Variants in ZNF655 observed in about 807,000 individuals in gnomAD.
ZNF655 encodes the protein zinc finger protein 655.
A neutral mutation model predicts 6.6 loss-of-function variants in ZNF655; 3 were observed. The ratio of observed to expected loss-of-function variants is 0.46; its 90% confidence interval spans 0.21 to 1.18. The LOEUF (loss-of-function observed/expected upper bound fraction) is 1.18, where lower values mean the gene tolerates loss of function less well. ZNF655 is among the 50% of genes most tolerant of loss of function. The pLI, the probability that ZNF655 is intolerant of heterozygous loss-of-function variation, is 0.24. For missense variants in ZNF655, 526 were observed against 572.3 expected (o/e 0.92, Z 0.83); for synonymous variants, 178 against 195.0 (o/e 0.91, Z 0.73).
In ZNF655 at chr7:99,573,680, T is replaced by TA; in HGVS notation, c.*99dup. 1 of 1,405,504 alleles carries TA rather than the reference T, an allele frequency of 7.1e-7. No homozygotes were observed. The highest frequency in any genetic ancestry group is 9.6e-7 in the Non-Finnish European group (1 of 1,042,658). The allele number at this position is 1,405,504 out of a possible 1,614,324, so 87.1% of individuals were successfully genotyped here. ...GAAATCATGTATGTACTGCATGTGG[T>TA]AAAGCCTTCAGTCATAGCTCAGCCA... is the stretch of plus-strand genomic sequence containing the variant. On this transcript the variant is annotated 3_prime_UTR_variant, in exon 3 of 3. Coordinates refer to ENST00000252713, the MANE Select transcript of ZNF655 (RefSeq NM_138494.3).
At chr7:99,560,827 A>AG in intron 2 of ZNF655, 132 bp downstream of exon 2, 1 of 1,171,094 alleles carries the variant, frequency 8.5e-7, no homozygotes, top group Non-Finnish European at 1.2e-6. Context: ...GGAATGAAAG[A>AG]GGGGGCAGAT....
At chr7:99,569,626 A>G (rs573195321) in intron 2 of ZNF655, among the ~76,000 whole-genome samples, 4 of 152,320 alleles carry the variant, frequency 2.6e-5, no homozygotes, top group East Asian at 3.9e-4. Flanking sequence ...AATAGTTTCT[A>G]CGTTTTAAAT....
chr7:99,572,326 T>G lies in ZNF655; in HGVS notation c.218T>G (p.Val73Gly). ...GAAGTGCATTCATACAAAGTGAGAG[T>G]AGGAAGACTCAAACACGATATTACC... Reference protein sequence around the residue: ...SEEVHSYKVRVGRLKHDITQV... With the variant: ...SEEVHSYKVRGGRLKHDITQV... Residue 73 changes from valine to glycine, a missense_variant, in exon 3 of 3, where the codon GTA becomes GGA. Transcript: ENST00000252713. 1 of 1,613,172 alleles carries G rather than the reference T, an allele frequency of 6.2e-7. No homozygotes were observed. Among genetic ancestry groups the G allele is most frequent in the African/African-American group, 1.3e-5 (1 of 74,922 alleles).
rs1804265359 is a variant in ZNF655 at position 99,574,066 on chromosome 7, AT to A, written c.*485del. 1 of 156,032 alleles carries A rather than the reference AT, an allele frequency of 6.4e-6. No individual in the cohort carries two copies. Among genetic ancestry groups the A allele is most frequent in the Non-Finnish European group, 1.4e-5 (1 of 70,328 alleles). 9.7% of individuals were successfully genotyped at this position (156,032 alleles called of 1,614,324 possible). On this transcript the variant is annotated 3_prime_UTR_variant, in exon 3 of 3. Transcript: ENST00000252713. ...CCCAACGCTCATTCAACATCAAAGA[AT>A]TTATACCTAAGAGAACTTATTTGGG...
chr7:99,567,231 A>G (rs942084169), intron 2 of ZNF655, among the ~76,000 whole-genome samples: 4 of 152,220 alleles, frequency 2.6e-5, no homozygotes, highest in Non-Finnish European at 4.4e-5. Flanking sequence ...AAGCAAGTGC[A>G]TATTTTGAAA....
intron 2 of ZNF655, 91 bp from the exon 3 acceptor site, chr7:99,572,154 A>G: frequency 7.4e-7 from 1 of 1,352,124 alleles, no homozygotes; most frequent in Non-Finnish European, 9.9e-7. Flanking sequence ...CCTTGTAGAT[A>G]CTACATTGTT....
Position 99,576,221 on chromosome 7 carries a change from T to C in ZNF655, c.*2637T>C, listed in dbSNP as rs754148945. Reference sequence around the variant, plus strand: ...AGGCAAGGTAGGAATCTAAATGAAATTGATATATAAATGAATTGATCTAAA... The same window carrying C: ...AGGCAAGGTAGGAATCTAAATGAAACTGATATATAAATGAATTGATCTAAA... On this transcript the variant is annotated 3_prime_UTR_variant, in exon 3 of 3. Transcript: ENST00000252713. 1 of 152,616 alleles carries C rather than the reference T, an allele frequency of 6.6e-6. No individual in the cohort carries two copies. The highest frequency in any genetic ancestry group is 1.5e-5 in the Non-Finnish European group (1 of 68,034). The allele number at this position is 152,616 out of a possible 1,614,324, so 9.5% of individuals were successfully genotyped here. A position where few individuals can be genotyped will look rare whatever the true frequency, so the allele number is the denominator to read the frequency against.
Position 99,573,421 on chromosome 7 carries a change from G to A in ZNF655, c.1313G>A (p.Cys438Tyr), listed in dbSNP as rs1804230125. The A allele has an allele frequency of 6.2e-7, 1 of 1,614,124 alleles. No individual in the cohort carries two copies. The highest frequency in any genetic ancestry group is 8.5e-7 in the Non-Finnish European group (1 of 1,180,004). ...KMHRKEKSYE[C>Y]NEYEGSFSHS... is the part of the protein sequence containing the mutation. ...CATAGGAAAGAGAAATCGTATGAAT[G>A]TAATGAGTATGAGGGCAGTTTCAGT... Residue 438 changes from cysteine (C) to tyrosine (Y), a missense_variant, in exon 3 of 3, where the codon TGT becomes TAT. Cys to Tyr is a radical substitution (Grantham distance 194, BLOSUM62 -2). Transcript: ENST00000252713.
chr7:99,561,458 C>G (rs894322811), intron 2 of ZNF655, among the ~76,000 whole-genome samples: 4 of 152,178 alleles, frequency 2.6e-5, no homozygotes, highest in African/African-American at 9.7e-5. Flanking sequence ...GCCTTACACA[C>G]TGGTTGAGAC....
In ZNF655 at chr7:99,573,067, A is replaced by G. The variant is rs776641891; in HGVS notation, c.959A>G (p.Gln320Arg). ...TTCAGTCGTAGTGTCCACCTTACTCAACATCAGAAAATTCACAAAGAGATG... is the reference window on the plus strand; with the variant it reads ...TTCAGTCGTAGTGTCCACCTTACTCGACATCAGAAAATTCACAAAGAGATG... ...RVFSRSVHLT[Q>R]HQKIHKEMPC... Residue 320 changes from glutamine to arginine, a missense_variant, in exon 3 of 3, where the codon CAA becomes CGA. Gln to Arg is a conservative substitution (Grantham distance 43). Coordinates refer to ENST00000252713, the MANE Select transcript of ZNF655 (RefSeq NM_138494.3). 3.1e-6 allele frequency: 5 copies of G among 1,614,138 alleles called. No individual in the cohort carries two copies. In the South Asian group the frequency reaches 5.5e-5, roughly 18 times the overall value.
At chr7:99,561,995 T>G in intron 2 of ZNF655, 1 of 1,549,022 alleles carries the variant, frequency 6.5e-7, no homozygotes, top group Non-Finnish European at 8.7e-7. Flanking sequence ...AACCCTCTGC[T>G]TTTCCTCAGG....
At chr7:99,570,245 A>G (rs1803939417) in intron 2 of ZNF655, 1 of 152,224 alleles carries the variant, frequency 6.6e-6, no homozygotes, top group Admixed American at 6.5e-5. Flanking sequence ...GAATTCTGAG[A>G]ACAATATTGA....
chr7:99,567,014 G>A (rs574146602), intron 2 of ZNF655, among the ~76,000 whole-genome samples: 1 of 151,980 alleles, frequency 6.6e-6, no homozygotes, highest in Non-Finnish European at 1.5e-5. Context: ...CCGCCTCTCA[G>A]GCCCAAGCCA....
chr7:99,572,319 G>T lies in ZNF655; in HGVS notation c.211G>T (p.Val71Leu), dbSNP rs1350503383. The change falls in exon 3 of 3, where the codon GTG becomes TTG. Residue 71 changes from valine (V) to leucine (L), a missense_variant. Transcript: ENST00000252713. ...TTCGGAAGAAGTGCATTCATACAAA[G>T]TGAGAGTAGGAAGACTCAAACACGA... ...KISEEVHSYK[V>L]RVGRLKHDIT... The T allele has an allele frequency of 9.3e-6, 15 of 1,613,432 alleles. No individual in the cohort carries two copies. The highest frequency in any genetic ancestry group is 1.2e-5 in the Non-Finnish European group (14 of 1,179,904).
chr7:99,571,189 C>G, intron 2 of ZNF655: 1 of 1,247,606 alleles, frequency 8.0e-7, no homozygotes, highest in South Asian at 1.3e-5. Context: ...CTTATGTGTA[C>G]TGAAACAAAT....
At chr7:99,571,790 C>T in intron 2 of ZNF655, 2 of 1,590,898 alleles carry the variant, frequency 1.3e-6, no homozygotes, top group East Asian at 2.2e-5. Context: ...GATGACTGCT[C>T]AGGTGAGTAA....
At chr7:99,562,006 G>A in intron 2 of ZNF655, 1 of 1,517,698 alleles carries the variant, frequency 6.6e-7, no homozygotes, top group Non-Finnish European at 8.9e-7. Flanking sequence ...TTTCCTCAGG[G>A]ACTATTGCTA....
Position 99,572,879 on chromosome 7 carries a change from A to C in ZNF655, c.771A>C (p.Arg257=), listed in dbSNP as rs1230869716. 6.2e-7 allele frequency: 1 copy of C among 1,614,152 alleles called. No homozygotes were observed. The highest frequency in any genetic ancestry group is 8.5e-7 in the Non-Finnish European group (1 of 1,179,988). Reference sequence around the variant, plus strand: ...TCAGTCAGAGCTCAAGTCTTAGTCGACATAAAAGAATACACACTAGAGAAA... The same window carrying C: ...TCAGTCAGAGCTCAAGTCTTAGTCGCCATAAAAGAATACACACTAGAGAAA... ...KSFSQSSSLS[R]HKRIHTREKP... Residue 257 remains arginine (R), a synonymous_variant, in exon 3 of 3, where the codon CGA becomes CGC. Transcript: ENST00000252713.
intron 2 of ZNF655, chr7:99,562,463 G>A (rs752238825): frequency 1.7e-5 from 28 of 1,613,856 alleles, no homozygotes; most frequent in Non-Finnish European, 2.2e-5. Context: ...GAGAAGTGAT[G>A]TTAGAGAATT....
Sources: gnomAD v4.1 joint callset for allele counts (sites outside exome capture counted in the v4.1 genomes callset) on GRCh38, gnomAD v4.1.1 for gene constraint, MANE v1.5 for transcripts, NCBI Gene and HGNC (gene_info 2026-07-23, HGNC 2026-07-21) for gene names.